Variants in KDM1B observed in about 807,000 individuals in gnomAD.
KDM1B encodes lysine demethylase 1B, also known as lysine-specific histone demethylase 2.
Under a neutral mutation model 107.4 loss-of-function variants are expected in KDM1B, and 63 were observed. The observed-to-expected ratio is 0.59, with a 90% CI of 0.48 to 0.72. The LOEUF (loss-of-function observed/expected upper bound fraction) is 0.72, where lower values mean the gene tolerates loss of function less well. KDM1B is among the 30% of genes least tolerant of loss of function. The pLI, the probability that KDM1B is intolerant of heterozygous loss-of-function variation, is 0.00. For synonymous variants in KDM1B, 363 were observed against 363.9 expected (o/e 1.00, Z 0.03); for missense variants, 749 against 1,020.8 (o/e 0.73, Z 3.63).
chr6:18,175,948 G>A (rs772105470), intron 7 of KDM1B, among the ~76,000 whole-genome samples: 5 of 151,930 alleles, frequency 3.3e-5, no homozygotes, highest in African/African-American at 9.7e-5. Flanking sequence ...TTGGCTATGC[G>A]GGCTCTTTTT....
intron 20 of KDM1B, 101 bp from the exon 21 acceptor site, chr6:18,217,632 C>G (rs1170831382): frequency 1.7e-5 from 16 of 915,242 alleles, no homozygotes; most frequent in Non-Finnish European, 2.5e-5. Flanking sequence ...CCGCCTTAGC[C>G]TCCCAAAGTG....
Position 18,223,473 on chromosome 6 carries a change from G to A in KDM1B, c.*1481G>A, listed in dbSNP as rs1233102689. On this transcript the variant is annotated 3_prime_UTR_variant, in exon 22 of 22. Transcript: ENST00000650836. ...ATTGGTACTGACTGGCAAGTATTCT[G>A]CTTTAAAGTATCATGTATTAAAATG... The A allele has an allele frequency of 2.0e-5, 3 of 151,802 alleles. No homozygotes were observed. Among genetic ancestry groups the A allele is most frequent in the South Asian group, 2.1e-4 (1 of 4,812 alleles). The allele number at this position is 151,802 out of a possible 1,614,324, so 9.4% of individuals were successfully genotyped here.
chr6:18,187,279 T>C (rs62395749), intron 8 of KDM1B, among the ~76,000 whole-genome samples: 280 of 152,338 alleles, frequency 1.8e-3, no homozygotes, highest in Middle Eastern at 3.4e-3. Flanking sequence ...ATGTTTGCAG[T>C]GTACTTTTCC....
chr6:18,217,378 C>CTTTT (rs11343407), intron 20 of KDM1B, among the ~76,000 whole-genome samples: 1 of 127,020 alleles, frequency 7.9e-6, no homozygotes, highest in Non-Finnish European at 1.6e-5. Context: ...TATCTCCCTT[C>CTTTT]TTTTTTTTTT....
rs577506268 is a variant in KDM1B at position 18,167,192 on chromosome 6, T to TA, written c.417+821dup. On this transcript the variant is annotated intron_variant, in intron 6 of 21. Coordinates refer to ENST00000650836, the MANE Select transcript of KDM1B (RefSeq NM_001364614.2). ...CAACATGGGGAAACCCCGTCTCTAC[T>TA]AAAAAAATACAAAAATTAGCCGGGC... is the stretch of plus-strand genomic sequence containing the variant. 2.9e-3 allele frequency among the ~76,000 whole-genome samples: 437 copies of TA among 151,542 alleles called. 4 individuals are homozygous for TA. Among genetic ancestry groups the TA allele is most frequent in the African/African-American group, 0.01 (414 of 41,356 alleles).
chr6:18,216,266 A>T (rs911709694), intron 20 of KDM1B, among the ~76,000 whole-genome samples: 9 of 152,040 alleles, frequency 5.9e-5, no homozygotes, highest in African/African-American at 2.2e-4. Flanking sequence ...TTTTTGGTAG[A>T]GACAGGGTTT....
At chr6:18,178,223 C>T (rs985440112) in intron 7 of KDM1B, among the ~76,000 whole-genome samples, 3 of 151,586 alleles carry the variant, frequency 2.0e-5, no homozygotes, top group Non-Finnish European at 2.9e-5. Flanking sequence ...GCTGGGATTA[C>T]AGGCACCCAC....
intron 7 of KDM1B, 139 bp downstream of exon 7, chr6:18,171,618 T>C: frequency 3.1e-6 from 2 of 643,388 alleles, no homozygotes; most frequent in East Asian, 2.7e-5. Context: ...ACCCCAACTA[T>C]AATGGCTTAA....
chr6:18,210,801 C>A (rs1194877488), intron 17 of KDM1B, among the ~76,000 whole-genome samples: 8 of 152,040 alleles, frequency 5.3e-5, no homozygotes, highest in Non-Finnish European at 1.2e-4. Context: ...GAGTTTGAGA[C>A]CAGCCTGGGC....
chr6:18,200,270 A>G lies in KDM1B; in HGVS notation c.1222-169A>G, dbSNP rs1157101349. 1.3e-5 allele frequency among the ~76,000 whole-genome samples: 2 copies of G among 152,188 alleles called. No homozygotes were observed. Among genetic ancestry groups the G allele is most frequent in the African/African-American group, 2.4e-5 (1 of 41,460 alleles). On this transcript the variant is annotated intron_variant, in intron 12 of 21. Transcript: ENST00000650836. This position sits in a 1 kb window ranked among gnomAD's most constrained non-coding sequence, Gnocchi z 4.3. ...TCTAGATGGATTGTTTTGAACATCT[A>G]TTTTGGCTTCTCTTCACACTGCCTG...
rs1489565020 is a variant in KDM1B, at chr6:18,187,818, G to T, written c.600G>T (p.Trp200Cys). 16 of 1,550,166 alleles carry T rather than the reference G, an allele frequency of 1.0e-5. No homozygotes were observed. The highest frequency in any genetic ancestry group is 1.4e-5 in the Non-Finnish European group (16 of 1,146,788). ...GAGTATTGGAAGTTTCCAACCATTG[G>T]TGGTACTCTATGCTCATCCTACCTC... The part of the protein sequence containing the change: ...DLRVLEVSNH[W>C]WYSMLILPPL... The change falls in exon 9 of 22, where the codon TGG becomes TGT. Residue 200 changes from tryptophan (W) to cysteine (C), a missense_variant. By Grantham distance (215) the Trp-to-Cys change is radical. Coordinates refer to ENST00000650836, the MANE Select transcript of KDM1B (RefSeq NM_001364614.2).
intron 21 of KDM1B, among the ~76,000 whole-genome samples, chr6:18,220,794 T>G (rs1012307980): frequency 6.6e-6 from 1 of 150,838 alleles, no homozygotes; most frequent in Non-Finnish European, 1.5e-5. Flanking sequence ...TTTTTTGAGA[T>G]GGAGTCTCGC....
At chr6:18,210,123 T>A (rs550045458) in intron 17 of KDM1B, among the ~76,000 whole-genome samples, 1 of 152,300 alleles carries the variant, frequency 6.6e-6, no homozygotes, top group Non-Finnish European at 1.5e-5. Context: ...AATATTTTTA[T>A]TGTAGCTAGC....
chr6:18,182,884 C>T (rs573718213), intron 7 of KDM1B, among the ~76,000 whole-genome samples: 1 of 152,228 alleles, frequency 6.6e-6, no homozygotes, highest in African/African-American at 2.4e-5. Context: ...AGACGTCCTG[C>T]GTTTAATTTA....
rs558854715 is a variant in KDM1B, at chr6:18,203,981, C to T, written c.1532-1556C>T. Among the ~76,000 whole-genome samples the T allele has an allele frequency of 5.9e-5, 9 of 152,044 alleles. No individual in the cohort carries two copies. The highest frequency in any genetic ancestry group is 2.0e-4 in the Admixed American group (3 of 15,256). On this transcript the variant is annotated intron_variant, in intron 14 of 21. Transcript: ENST00000650836. This position sits in a 1 kb window ranked among gnomAD's most constrained non-coding sequence, Gnocchi z 5.5. ...AATGTAGAAACTGCACAGCAGGAAG[C>T]GGGGATGGGACTTCTACAAAAGTCA...
intron 7 of KDM1B, among the ~76,000 whole-genome samples, chr6:18,183,002 G>T (rs1302741291): frequency 6.6e-6 from 1 of 152,180 alleles, no homozygotes; most frequent in African/African-American, 2.4e-5. Context: ...TGTAAGATCA[G>T]TTCCTACAAA....
chr6:18,198,647 A>AAC (rs1561939650), intron 12 of KDM1B, among the ~76,000 whole-genome samples: 2 of 143,788 alleles, frequency 1.4e-5, no homozygotes, highest in Non-Finnish European at 3.0e-5. Context: ...CAAAAAAAAA[A>AAC]AAAAAAAAAA....
rs1428532616 is a variant in KDM1B at position 18,214,152 on chromosome 6, G to A, written c.2109+371G>A. Among the ~76,000 whole-genome samples, 1 of 152,074 alleles carries A rather than the reference G, an allele frequency of 6.6e-6. No individual in the cohort carries two copies. The highest frequency in any genetic ancestry group is 6.5e-5 in the Admixed American group (1 of 15,272). On this transcript the variant is annotated intron_variant, in intron 19 of 21. Transcript: ENST00000650836. This position sits in a 1 kb window ranked among gnomAD's most constrained non-coding sequence, Gnocchi z 4.4. ...TGGGAAAGGGTGTATGATTGGTGAG[G>A]GAGGGTGTGAGTGTCAGCAGATGTG...
chr6:18,190,331 G>A (rs1787191789), intron 9 of KDM1B, among the ~76,000 whole-genome samples: 1 of 151,664 alleles, frequency 6.6e-6, no homozygotes, highest in Middle Eastern at 3.4e-3. Flanking sequence ...AGTGGCTCAC[G>A]CCTGTAATCC....
Sources: allele counts gnomAD v4.1 joint callset (sites outside exome capture counted in the v4.1 genomes callset), GRCh38; gene constraint gnomAD v4.1.1; non-coding constraint Gnocchi (gnomAD v3.1); transcripts MANE v1.5; gene names NCBI Gene and HGNC (gene_info 2026-07-23, HGNC 2026-07-21).